Variants in FREM1 observed in about 807,000 individuals in gnomAD.
The protein encoded by FREM1 is FRAS1-related extracellular matrix protein 1.
A neutral mutation model predicts 210.1 loss-of-function variants in FREM1; 220 were observed. The ratio of observed to expected loss-of-function variants is 1.05; its 90% CI spans 0.94 to 1.17. The LOEUF is 1.17. Ranked by LOEUF, FREM1 falls within the 50% of genes most tolerant of loss-of-function variation. The pLI, the probability that FREM1 is intolerant of heterozygous loss-of-function variation, is 0.00. For missense variants in FREM1, 3,454 were observed against 2,675.5 expected, an observed-to-expected ratio of 1.29 and a Z score of -6.42; for synonymous variants, 1,189 against 980.2, an observed-to-expected ratio of 1.21 and a Z score of -3.98.
intron 10 of FREM1, among the ~76,000 whole-genome samples, 183 bp downstream of exon 10, chr9:14,841,264 A>C (rs576680124): frequency 1.3e-4 from 20 of 152,370 alleles, no homozygotes; most frequent in African/African-American, 3.8e-4. Context: ...TATCTATAAA[A>C]GTCTTTCAAA....
intron 4 of FREM1, among the ~76,000 whole-genome samples, chr9:14,857,988 G>GA (rs1263943226): frequency 2.0e-5 from 3 of 152,102 alleles, no homozygotes; most frequent in Non-Finnish European, 2.9e-5. Flanking sequence ...TAAACTGAGA[G>GA]AAAAAATAAT....
At chr9:14,860,533 G>GTC (rs1829618988) in intron 3 of FREM1, among the ~76,000 whole-genome samples, 1 of 77,916 alleles carries the variant, frequency 1.3e-5, no homozygotes, top group African/African-American at 8.3e-5. Context: ...TAGTAGGTAT[G>GTC]TATATATATA....
Position 14,890,495 on chromosome 9 carries a change from A to C in FREM1, c.-268+19419T>G, listed in dbSNP as rs185920448. 5.9e-5 allele frequency among the ~76,000 whole-genome samples: 9 copies of C among 152,374 alleles called. No homozygotes were observed. In the East Asian group the frequency reaches 1.3e-3, roughly 23 times the overall value. ...GATTCTAAGAAGTCTTGCAGAAAGG[A>C]GCCTTTTTAAGCCCAAAGTCTGCAA... is the stretch of plus-strand genomic sequence containing the variant. On this transcript the variant is annotated intron_variant, in intron 1 of 36. Transcript: ENST00000380880.
chr9:14,905,743 T>C (rs947148201), intron 1 of FREM1, among the ~76,000 whole-genome samples: 4 of 151,986 alleles, frequency 2.6e-5, no homozygotes, highest in Non-Finnish European at 5.9e-5. Flanking sequence ...ACAAAAAAAT[T>C]AGCCGGTCAT....
chr9:14,788,838 G>C, intron 23 of FREM1, 81 bp downstream of exon 23: 2 of 1,049,200 alleles, frequency 1.9e-6, no homozygotes, highest in South Asian at 1.8e-5. Flanking sequence ...GGGAGGGAAA[G>C]AGAGAGAAAG....
chr9:14,766,466 C>A (rs1050235782), intron 27 of FREM1, among the ~76,000 whole-genome samples: 1 of 152,118 alleles, frequency 6.6e-6, no homozygotes, highest in African/African-American at 2.4e-5. Flanking sequence ...AATCCACACG[C>A]ACATCTCGAT....
At chr9:14,844,279 G>A (rs72711390) in intron 8 of FREM1, among the ~76,000 whole-genome samples, 11,522 of 149,944 alleles carry the variant, frequency 0.077, 910 homozygotes, top group East Asian at 0.44. Flanking sequence ...AGGCTGGAGT[G>A]CAGTGGCGTG....
intron 27 of FREM1, among the ~76,000 whole-genome samples, chr9:14,760,742 C>G (rs1845339416): frequency 6.6e-6 from 1 of 152,118 alleles, no homozygotes; most frequent in Admixed American, 6.5e-5. Flanking sequence ...ATCTTCCATC[C>G]AACCTCTACC....
At chr9:14,871,443 T>G (rs947555507) in intron 1 of FREM1, among the ~76,000 whole-genome samples, 11 of 152,210 alleles carry the variant, frequency 7.2e-5, no homozygotes, top group African/African-American at 2.4e-4. Flanking sequence ...TTTGGCTGCA[T>G]AAATGTCTTC....
intron 35 of FREM1, among the ~76,000 whole-genome samples, chr9:14,745,106 T>C (rs1037471269): frequency 1.3e-5 from 2 of 151,788 alleles, no homozygotes; most frequent in Non-Finnish European, 2.9e-5. Flanking sequence ...CACAGTGGGG[T>C]CTATTGGAGT....
chr9:14,818,064 C>T (rs570313566), intron 14 of FREM1, among the ~76,000 whole-genome samples: 4 of 152,312 alleles, frequency 2.6e-5, no homozygotes, highest in East Asian at 1.9e-4. Flanking sequence ...ATTCCTCAAT[C>T]TCTTTGTGCT....
At position 14,888,146 on chromosome 9, in the gene FREM1, T is replaced by C. The variant is rs192385163; in HGVS notation, c.-267-18902A>G. Among the ~76,000 whole-genome samples, 230 of 152,318 alleles carry C rather than the reference T, an allele frequency of 1.5e-3. 1 individual carries two copies. The highest frequency in any genetic ancestry group is 5.4e-3 in the African/African-American group (224 of 41,570). On this transcript the variant is annotated intron_variant, in intron 1 of 36. Transcript: ENST00000380880. ...ACTATATAGTAGGTTTTCTTCAAGATACTTTACATATATTATATTGTTTAA... is the reference window on the plus strand; with the variant it reads ...ACTATATAGTAGGTTTTCTTCAAGACACTTTACATATATTATATTGTTTAA...
chr9:14,863,772 C>T (rs373357385), intron 3 of FREM1, 37 bp downstream of exon 3: 2 of 1,279,254 alleles, frequency 1.6e-6, no homozygotes, highest in Non-Finnish European at 2.3e-6. Flanking sequence ...AGAATGGTTA[C>T]TTGGCAGCAA....
intron 27 of FREM1, among the ~76,000 whole-genome samples, chr9:14,761,476 T>C (rs1302081596): frequency 6.6e-6 from 1 of 152,180 alleles, no homozygotes; most frequent in Non-Finnish European, 1.5e-5. Flanking sequence ...TTGGAAACTT[T>C]ATGGGTCTCT....
chr9:14,758,964 T>A (rs1321439052), intron 28 of FREM1, among the ~76,000 whole-genome samples: 6 of 152,126 alleles, frequency 3.9e-5, no homozygotes, highest in African/African-American at 1.2e-4. Context: ...GATAGATGGG[T>A]TTAAGCTGCC....
At position 14,784,492 on chromosome 9, in the gene FREM1, G is replaced by C; in HGVS notation, c.4320C>G (p.Gly1440=). 6.2e-7 allele frequency: 1 copy of C among 1,613,846 alleles called. No individual in the cohort carries two copies. Among genetic ancestry groups the C allele is most frequent in the African/African-American group, 1.3e-5 (1 of 75,014 alleles). Residue 1440 remains glycine, a synonymous_variant, in exon 24 of 37, where the codon GGC becomes GGG. Coordinates refer to ENST00000380880, the MANE Select transcript of FREM1 (RefSeq NM_001379081.2). ...CAGGATAGTGAACATATTCGATCTG[G>C]CCATATCGCGGAGGGGAGGTGATGA... ...LYVITSPPRY[G]QIEYVHYPGV...
intron 1 of FREM1, among the ~76,000 whole-genome samples, chr9:14,901,833 T>C (rs752171425): frequency 6.2e-4 from 94 of 152,122 alleles, no homozygotes; most frequent in Admixed American, 3.2e-3. Flanking sequence ...ATTGACTTTA[T>C]GGGGTTGTGA....
At chr9:14,811,613 C>A (rs549803088) in intron 16 of FREM1, among the ~76,000 whole-genome samples, 2 of 152,146 alleles carry the variant, frequency 1.3e-5, no homozygotes, top group South Asian at 4.2e-4. Flanking sequence ...AGAGAGATAC[C>A]ATTTAAAGAA....
At chr9:14,826,915 C>A (rs143184229) in intron 10 of FREM1, among the ~76,000 whole-genome samples, 2 of 152,306 alleles carry the variant, frequency 1.3e-5, no homozygotes, top group African/African-American at 4.8e-5. Flanking sequence ...CTTGGACTTC[C>A]CGGCTGCCAG....
Sources: allele counts gnomAD v4.1 joint callset (sites outside exome capture counted in the v4.1 genomes callset), GRCh38; gene constraint gnomAD v4.1.1; transcripts MANE v1.5; gene names NCBI Gene and HGNC (gene_info 2026-07-23, HGNC 2026-07-21).